The following CNRIP1 variants were observed in gnomAD, a reference collection of about 807,000 sequenced individuals.
CNRIP1 encodes the protein CB1 cannabinoid receptor-interacting protein 1.
In CNRIP1, 10 loss-of-function variants were observed where a neutral mutation model predicts 15.2. The ratio of observed to expected loss-of-function variants is 0.66; its 90% CI spans 0.41 to 1.12. The LOEUF (loss-of-function observed/expected upper bound fraction) is 1.12. Among genes scored for constraint, CNRIP1 ranks in the 50% most tolerant of loss-of-function variants. CNRIP1 has a pLI of 0.00. For missense variants in CNRIP1, 211 were observed against 214.7 expected (o/e 0.98, Z 0.11); for synonymous variants, 91 against 83.2 (o/e 1.09, Z -0.51).
intron 2 of CNRIP1, among the ~76,000 whole-genome samples, chr2:68,287,856 A>G (rs1179370765): frequency 2.6e-5 from 4 of 152,236 alleles, no homozygotes; most frequent in Non-Finnish European, 5.9e-5. Context: ...AACTTCATAA[A>G]CTTCAAAGAA....
intron 2 of CNRIP1, among the ~76,000 whole-genome samples, chr2:68,311,556 G>T (rs1344311895): frequency 6.6e-6 from 1 of 152,022 alleles, no homozygotes; most frequent in Admixed American, 6.6e-5. Flanking sequence ...GGCGGATCTT[G>T]TGAGGCCAGG....
downstream of CNRIP1, among the ~76,000 whole-genome samples, chr2:68,290,863 T>C (rs1671151725): frequency 1.3e-5 from 2 of 152,210 alleles, no homozygotes; most frequent in Admixed American, 6.5e-5. Context: ...ACTCAAGGCA[T>C]TTCTATTCTT....
intron 1 of CNRIP1, among the ~76,000 whole-genome samples, chr2:68,318,858 C>T (rs1015766177): frequency 6.6e-5 from 10 of 152,236 alleles, no homozygotes; most frequent in African/African-American, 2.4e-4. Context: ...GGTGGCTGAA[C>T]CCTGCGGACC....
At chr2:68,297,964 G>A (rs1671442360) in intron 2 of CNRIP1, among the ~76,000 whole-genome samples, 1 of 152,034 alleles carries the variant, frequency 6.6e-6, no homozygotes. Context: ...TCCTTACTCA[G>A]ATTTTTTCTA....
At chr2:68,311,572 G>A (rs1322133966) in intron 2 of CNRIP1, among the ~76,000 whole-genome samples, 2 of 151,936 alleles carry the variant, frequency 1.3e-5, no homozygotes, top group Non-Finnish European at 2.9e-5. Context: ...CCAGGAGTTC[G>A]AGACCAGCCT....
chr2:68,312,167 T>C (rs151240608), intron 2 of CNRIP1, among the ~76,000 whole-genome samples: 376 of 152,262 alleles, frequency 2.5e-3, no homozygotes, highest in African/African-American at 8.6e-3. Flanking sequence ...AAAGGCATTA[T>C]AAGAAAAGCA....
intron 2 of CNRIP1, among the ~76,000 whole-genome samples, chr2:68,303,802 C>A (rs938453824): frequency 6.6e-6 from 1 of 152,168 alleles, no homozygotes; most frequent in Non-Finnish European, 1.5e-5. Flanking sequence ...AGAGTCCAGG[C>A]GCGGTTGCTC....
chr2:68,292,537 T>C (rs1357830363), downstream of CNRIP1, among the ~76,000 whole-genome samples: 1 of 152,182 alleles, frequency 6.6e-6, no homozygotes, highest in Admixed American at 6.5e-5. Flanking sequence ...GCTGCCCAAG[T>C]AAATATTACA....
chr2:68,302,363 C>G (rs1479358914), intron 2 of CNRIP1, among the ~76,000 whole-genome samples: 2 of 152,192 alleles, frequency 1.3e-5, no homozygotes, highest in East Asian at 1.9e-4. Flanking sequence ...CCTCCAAACT[C>G]TCACCAGTCT....
At position 68,319,711 on chromosome 2, in the gene CNRIP1, C is replaced by A. The variant is rs574501654; in HGVS notation, c.-311G>T. 6.1e-6 allele frequency: 2 copies of A among 327,714 alleles called. No individual in the cohort carries two copies. Among genetic ancestry groups the A allele is most frequent in the Non-Finnish European group, 1.1e-5 (2 of 176,488 alleles). 20.3% of individuals were successfully genotyped at this position (327,714 alleles called of 1,614,324 possible). A position where few individuals can be genotyped will look rare whatever the true frequency, so the allele number is the denominator to read the frequency against. On this transcript the variant is annotated 5_prime_UTR_variant, in exon 1 of 3. Transcript: ENST00000263655. ...CACGCACCCGAAGGCTCGCTCTGGC[C>A]CGCAGGCCGCCGCGCAGATCCGCGC... is the stretch of plus-strand genomic sequence containing the variant.
chr2:68,305,253 A>AT (rs1459107054), intron 2 of CNRIP1, among the ~76,000 whole-genome samples: 1 of 52,928 alleles, frequency 1.9e-5, no homozygotes, highest in Non-Finnish European at 3.8e-5. Flanking sequence ...TCAAAAAAAA[A>AT]AAAAAAATAT....
chr2:68,301,782 C>A (rs1329506716), intron 2 of CNRIP1, among the ~76,000 whole-genome samples: 1 of 150,302 alleles, frequency 6.7e-6, no homozygotes, highest in African/African-American at 2.5e-5. Context: ...GTCCCAGCTA[C>A]TTGGGAGGCT....
At chr2:68,305,931 C>A (rs1398137000) in intron 2 of CNRIP1, among the ~76,000 whole-genome samples, 1 of 151,312 alleles carries the variant, frequency 6.6e-6, no homozygotes, top group African/African-American at 2.4e-5. Flanking sequence ...GAGTTCAAGA[C>A]CAGACTGAGC....
exon 3 of CNRIP1, chr2:68,284,417 G>A: frequency 6.7e-7 from 1 of 1,490,914 alleles, no homozygotes; most frequent in African/African-American, 1.4e-5. Context: ...GGCACACATT[G>A]AAGAATGTGC....
chr2:68,293,214 C>T lies in CNRIP1; in HGVS notation c.*648G>A. The T allele has an allele frequency of 2.0e-6, 2 of 985,482 alleles. No individual in the cohort carries two copies. The highest frequency in any genetic ancestry group is 2.4e-6 in the Non-Finnish European group (2 of 829,966). 61.0% of individuals were successfully genotyped at this position (985,482 alleles called of 1,614,324 possible). A position where few individuals can be genotyped will look rare whatever the true frequency, so the allele number is the denominator to read the frequency against. ...ATGCTTTTCCCCCATTTCTACTAGG[C>T]TAGGCCATTGCACAATACCTTAAGC... On this transcript the variant is annotated 3_prime_UTR_variant, in exon 3 of 3. Coordinates refer to ENST00000263655, the MANE Select transcript of CNRIP1 (RefSeq NM_015463.3).
intron 2 of CNRIP1, among the ~76,000 whole-genome samples, chr2:68,306,014 C>T (rs1671827999): frequency 6.7e-6 from 1 of 148,782 alleles, no homozygotes; most frequent in African/African-American, 2.5e-5. Flanking sequence ...CCTCTGGTCC[C>T]AGCTACTAGA....
intron 2 of CNRIP1, among the ~76,000 whole-genome samples, chr2:68,300,784 A>T (rs538697108): frequency 1.7e-3 from 266 of 152,310 alleles, no homozygotes; most frequent in African/African-American, 6.1e-3. Flanking sequence ...AATATTAGGA[A>T]TGAAAAAGAG....
chr2:68,296,086 G>A (rs554094823), intron 2 of CNRIP1, among the ~76,000 whole-genome samples: 3 of 152,258 alleles, frequency 2.0e-5, no homozygotes, highest in African/African-American at 4.8e-5. Context: ...AAAGTTTAGA[G>A]TAGTAAACAA....
At chr2:68,303,870 A>G (rs1051610696) in intron 2 of CNRIP1, among the ~76,000 whole-genome samples, 1 of 152,210 alleles carries the variant, frequency 6.6e-6, no homozygotes, top group Non-Finnish European at 1.5e-5. Flanking sequence ...TGAGGTCAGG[A>G]GTTTGAGACC....
Sources: allele counts gnomAD v4.1 joint callset (sites outside exome capture counted in the v4.1 genomes callset), GRCh38; gene constraint gnomAD v4.1.1; transcripts MANE v1.5; gene names NCBI Gene and HGNC (gene_info 2026-07-23, HGNC 2026-07-21).